The following CCDC91 variants were observed in gnomAD, a reference collection of about 807,000 sequenced individuals.
CCDC91 encodes the protein coiled-coil domain-containing protein 91.
In CCDC91, 48 loss-of-function variants were observed where a neutral mutation model predicts 63.2. The ratio of observed to expected loss-of-function variants is 0.76; its 90% CI spans 0.60 to 0.97. The LOEUF (loss-of-function observed/expected upper bound fraction) is 0.97. Ranked by LOEUF, CCDC91 falls within the 50% of genes least tolerant of loss-of-function variation. The pLI is 0.00. For missense variants in CCDC91, 500 were observed against 494.6 expected (o/e 1.01, Z -0.10); for synonymous variants, 167 against 165.8 (o/e 1.01, Z -0.06).
intron 6 of CCDC91, among the ~76,000 whole-genome samples, chr12:28,343,412 G>A (rs982395568): frequency 6.6e-6 from 1 of 151,934 alleles, no homozygotes; most frequent in Non-Finnish European, 1.5e-5. Flanking sequence ...AGTTTGAGAG[G>A]AATGATACTG....
chr12:28,333,840 G>A (rs774055522), intron 6 of CCDC91, among the ~76,000 whole-genome samples: 1 of 152,100 alleles, frequency 6.6e-6, no homozygotes, highest in Admixed American at 6.5e-5. Context: ...GTTCTAATGC[G>A]AATGTGAGTT....
intron 1 of CCDC91, chr12:28,198,928 T>A (rs1393442804): frequency 2.5e-5 from 2 of 80,542 alleles, no homozygotes; most frequent in Non-Finnish European, 6.4e-5. Context: ...ATGTTTCTCT[T>A]TTTTTTTTTT....
intron 7 of CCDC91, among the ~76,000 whole-genome samples, chr12:28,373,265 G>A (rs1944734738): frequency 6.6e-6 from 1 of 151,862 alleles, no homozygotes; most frequent in Admixed American, 6.6e-5. Context: ...CAAATTGTCT[G>A]TTTTTCACTT....
At chr12:28,330,186 G>A (rs867587298) in intron 6 of CCDC91, among the ~76,000 whole-genome samples, 2 of 152,068 alleles carry the variant, frequency 1.3e-5, no homozygotes, top group Admixed American at 6.6e-5. Context: ...TTAAGGAATC[G>A]CCACACTGTC....
At chr12:28,407,265 T>C (rs191377487) in intron 8 of CCDC91, among the ~76,000 whole-genome samples, 3 of 152,226 alleles carry the variant, frequency 2.0e-5, no homozygotes, top group Admixed American at 2.0e-4. Context: ...CATTATCTAG[T>C]CTCGGGTATT....
intron 8 of CCDC91, among the ~76,000 whole-genome samples, chr12:28,410,138 C>T (rs1010491687): frequency 3.9e-5 from 6 of 151,986 alleles, no homozygotes; most frequent in East Asian, 1.9e-4. Context: ...AATCTCTGAC[C>T]GTACTTTTGG....
intron 12 of CCDC91, among the ~76,000 whole-genome samples, chr12:28,501,896 T>C (rs1937933318): frequency 6.6e-6 from 1 of 151,742 alleles, no homozygotes; most frequent in Admixed American, 6.6e-5. Context: ...CTGTTATTGG[T>C]CTATTCAGAG....
chr12:28,197,229 A>C (rs1376698684), intron 1 of CCDC91, among the ~76,000 whole-genome samples: 1 of 152,068 alleles, frequency 6.6e-6, no homozygotes, highest in Non-Finnish European at 1.5e-5. Context: ...GCATCACCTT[A>C]AGGTAGAATC....
At chr12:28,477,629 G>A (rs1288378164) in intron 11 of CCDC91, among the ~76,000 whole-genome samples, 2 of 151,586 alleles carry the variant, frequency 1.3e-5, no homozygotes, top group Admixed American at 6.6e-5. Context: ...CAATCAGGCA[G>A]GAGAAAGAAA....
chr12:28,410,820 C>A (rs1947271845), intron 8 of CCDC91, among the ~76,000 whole-genome samples: 2 of 152,124 alleles, frequency 1.3e-5, no homozygotes, highest in South Asian at 4.1e-4. Flanking sequence ...CCACACCCAG[C>A]CTTAATTGTG....
chr12:28,233,427 T>A (rs1353212832), intron 1 of CCDC91, among the ~76,000 whole-genome samples: 3 of 152,204 alleles, frequency 2.0e-5, no homozygotes, highest in Admixed American at 1.3e-4. Flanking sequence ...AATAGTGTAG[T>A]GAAAAATGTT....
rs147476014 is a variant in CCDC91, at chr12:28,454,950, T to G, written c.1101+2296T>G. Among the ~76,000 whole-genome samples, 536 of 152,208 alleles carry G rather than the reference T, an allele frequency of 3.5e-3. 7 individuals carry two copies. Among genetic ancestry groups the G allele is most frequent in the African/African-American group, 0.012 (504 of 41,548 alleles). On this transcript the variant is annotated intron_variant, in intron 11 of 12. Transcript: ENST00000536442. Reference sequence around the variant, plus strand: ...GCATGCGTCGTTGTAAATTGAGTGTTTCCATGGAAGGACAGAGGATCCAGG... The same window carrying G: ...GCATGCGTCGTTGTAAATTGAGTGTGTCCATGGAAGGACAGAGGATCCAGG...
intron 1 of CCDC91, among the ~76,000 whole-genome samples, chr12:28,237,298 A>G (rs1273094295): frequency 6.7e-6 from 1 of 148,782 alleles, no homozygotes; most frequent in Non-Finnish European, 1.5e-5. Context: ...AGGCAGAATA[A>G]TGTCCTTCAA....
chr12:28,546,237 G>T (rs199651521), intron 12 of CCDC91, among the ~76,000 whole-genome samples: 1 of 151,982 alleles, frequency 6.6e-6, no homozygotes, highest in South Asian at 2.1e-4. Context: ...ATAATATACC[G>T]CTGAGTTCTG....
intron 12 of CCDC91, among the ~76,000 whole-genome samples, chr12:28,534,172 A>G (rs926184494): frequency 1.3e-5 from 2 of 152,210 alleles, no homozygotes; most frequent in East Asian, 3.8e-4. Context: ...GATTTCAGAC[A>G]TAGAACTTTT....
chr12:28,268,090 G>C (rs1168547997), intron 3 of CCDC91, among the ~76,000 whole-genome samples: 1 of 148,008 alleles, frequency 6.8e-6, no homozygotes, highest in African/African-American at 2.5e-5. Context: ...TTGAGACAGA[G>C]TCTTGCTCTG....
chr12:28,249,121 G>A lies in CCDC91; in HGVS notation c.-14-8081G>A, dbSNP rs146738975. Among the ~76,000 whole-genome samples, 271 of 152,322 alleles carry A rather than the reference G, an allele frequency of 1.8e-3. 2 individuals carry two copies. The highest frequency in any genetic ancestry group is 6.2e-3 in the African/African-American group (256 of 41,562). On this transcript the variant is annotated intron_variant, in intron 1 of 12. Coordinates refer to ENST00000536442, the MANE Select transcript of CCDC91 (RefSeq NM_018318.5). The stretch of plus-strand genomic sequence containing the variant: ...ATAGCAGAAAGGAATAGAAAGGCTG[G>A]AAGTTTGAGGAGAGTTGGCAGTCTT...
intron 1 of CCDC91, among the ~76,000 whole-genome samples, chr12:28,202,654 C>A (rs1363044068): frequency 6.6e-6 from 1 of 152,234 alleles, no homozygotes; most frequent in African/African-American, 2.4e-5. Flanking sequence ...GTTTATAACT[C>A]TACTTTAGCT....
chr12:28,309,054 G>A lies in CCDC91; in HGVS notation c.576+1305G>A, dbSNP rs968273487. Among the ~76,000 whole-genome samples, 21 of 152,104 alleles carry A rather than the reference G, an allele frequency of 1.4e-4. No homozygotes were observed. In the South Asian group the frequency reaches 2.3e-3, roughly 17 times the overall value. ...GGTATAGGTGAATGTGTGAGTATGC[G>A]TGGGGAAGGACATTCTTTGCCTGTT... On this transcript the variant is annotated intron_variant, in intron 6 of 12. Coordinates refer to ENST00000536442, the MANE Select transcript of CCDC91 (RefSeq NM_018318.5).
Sources: gnomAD v4.1 joint callset for allele counts (sites outside exome capture counted in the v4.1 genomes callset) on GRCh38, gnomAD v4.1.1 for gene constraint, MANE v1.5 for transcripts, NCBI Gene and HGNC (gene_info 2026-07-23, HGNC 2026-07-21) for gene names.